MTMR3: variants seen among roughly 807,000 people sequenced by gnomAD.
MTMR3 encodes the protein phosphatidylinositol-3,5-bisphosphate 3-phosphatase MTMR3.
Under a neutral mutation model 132.4 loss-of-function variants are expected in MTMR3, and 32 were observed. The observed-to-expected ratio is 0.24, with a 90% CI of 0.18 to 0.32. MTMR3 has a LOEUF of 0.32. MTMR3 is among the 10% of genes least tolerant of loss of function. MTMR3 has a pLI of 1.00. For missense variants in MTMR3, 1,216 were observed against 1,489.6 expected, an observed-to-expected ratio of 0.82 and a Z score of 3.02; for synonymous variants, 556 against 550.3, an observed-to-expected ratio of 1.01 and a Z score of -0.14.
chr22:29,924,639 T>C (rs2065480902), intron 1 of MTMR3, among the ~76,000 whole-genome samples: 2 of 152,244 alleles, frequency 1.3e-5, no homozygotes, highest in South Asian at 4.1e-4. Flanking sequence ...AATCTGTAGA[T>C]CACTTTGGGT....
chr22:29,998,749 T>G lies in MTMR3; in HGVS notation c.461-12T>G, dbSNP rs2067111966. On this transcript the variant is annotated splice_polypyrimidine_tract_variant and intron_variant, in intron 7 of 19. Coordinates refer to ENST00000401950, the MANE Select transcript of MTMR3 (RefSeq NM_021090.4). ...CATTTCTTCCTTTCTGCTGTTTATC[T>G]TTGGCCTCTAGGGGAGCATGTAACT... 5 of 1,604,476 alleles carry G rather than the reference T, an allele frequency of 3.1e-6. No homozygotes were observed. In the East Asian group the frequency reaches 1.1e-4, roughly 36 times the overall value.
chr22:29,892,342 A>G (rs1345789159), intron 1 of MTMR3, among the ~76,000 whole-genome samples: 1 of 152,156 alleles, frequency 6.6e-6, no homozygotes, highest in African/African-American at 2.4e-5. Flanking sequence ...TTTGTAGAAC[A>G]TATTTTAAAA....
At chr22:29,909,754 A>C (rs1012712961) in intron 1 of MTMR3, among the ~76,000 whole-genome samples, 8 of 152,228 alleles carry the variant, frequency 5.3e-5, no homozygotes, top group Admixed American at 5.2e-4. Flanking sequence ...AGGAATAATA[A>C]ATATCACCAT....
chr22:29,963,389 T>G (rs1364592574), intron 2 of MTMR3, among the ~76,000 whole-genome samples: 1 of 149,612 alleles, frequency 6.7e-6, no homozygotes, highest in Non-Finnish European at 1.5e-5. Flanking sequence ...GGCCACTTAA[T>G]TCCTTTTTTT....
chr22:29,912,666 C>T (rs2065236553), intron 1 of MTMR3, among the ~76,000 whole-genome samples: 1 of 152,112 alleles, frequency 6.6e-6, no homozygotes, highest in South Asian at 2.1e-4. Context: ...GGAGGTAATG[C>T]ATTAGGTGAG....
intron 15 of MTMR3, chr22:30,017,262 CTA>C (rs1205700797): frequency 6.5e-6 from 1 of 154,164 alleles, no homozygotes; most frequent in East Asian, 1.9e-4. Flanking sequence ...GCACATAGAC[CTA>C]TGTGTCAGTT....
At chr22:29,982,441 T>A (rs936014328) in intron 5 of MTMR3, 2 of 152,034 alleles carry the variant, frequency 1.3e-5, no homozygotes, top group African/African-American at 4.8e-5. Flanking sequence ...AATAAGTATT[T>A]CAATAAAATA....
intron 2 of MTMR3, among the ~76,000 whole-genome samples, chr22:29,964,274 G>A (rs2066371817): frequency 6.6e-6 from 1 of 152,190 alleles, no homozygotes; most frequent in African/African-American, 2.4e-5. Flanking sequence ...GTCAGGTGCT[G>A]TAATGAACCC....
chr22:29,941,124 T>C, intron 1 of MTMR3, among the ~76,000 whole-genome samples: 1 of 141,116 alleles, frequency 7.1e-6, no homozygotes, highest in South Asian at 2.1e-4. Flanking sequence ...CACTAAAAAT[T>C]AGTTTCGTCC....
At position 29,931,013 on chromosome 22, in the gene MTMR3, G is replaced by GAAA. The variant is rs963131752; in HGVS notation, c.-137-26006_-137-26004dup. Among the ~76,000 whole-genome samples, 301 of 71,728 alleles carry GAAA rather than the reference G, an allele frequency of 4.2e-3. 5 individuals carry two copies. The East Asian group carries it at 0.088, about 21-fold the overall frequency. The allele number at this position is 71,728 out of a possible 152,430, so 47.1% of individuals were successfully genotyped here. A position where few individuals can be genotyped will look rare whatever the true frequency, so the allele number is the denominator to read the frequency against. On this transcript the variant is annotated intron_variant, in intron 1 of 19. Coordinates refer to ENST00000401950, the MANE Select transcript of MTMR3 (RefSeq NM_021090.4). Reference sequence around the variant, plus strand: ...CAGAGTGTGAGACGCTGTCTCAAAAGAAAAAAAAAAAAAAAAAAACTTAAA... The same window carrying GAAA: ...CAGAGTGTGAGACGCTGTCTCAAAAGAAAAAAAAAAAAAAAAAAAAAACTTAAA...
At chr22:29,908,173 C>A (rs1367568365) in intron 1 of MTMR3, among the ~76,000 whole-genome samples, 2 of 152,096 alleles carry the variant, frequency 1.3e-5, no homozygotes, top group Non-Finnish European at 2.9e-5. Context: ...ATGGGAGTAA[C>A]CGTGGTGGAA....
At chr22:29,974,554 T>G (rs1463064416) in intron 3 of MTMR3, among the ~76,000 whole-genome samples, 1 of 152,256 alleles carries the variant, frequency 6.6e-6, no homozygotes, top group East Asian at 1.9e-4. Flanking sequence ...TGTTTTATGT[T>G]GAAAATCATG....
chr22:29,985,988 CCCCAGCAGCTGCTAAGAGCA>C, intron 5 of MTMR3: 1 of 151,990 alleles, frequency 6.6e-6, no homozygotes, highest in East Asian at 1.9e-4. Context: ...AATCCATTTC[CCCCAGCAGCTGCTAAGAGCA>C]TTAGCTGGTT....
intron 1 of MTMR3, among the ~76,000 whole-genome samples, chr22:29,885,348 G>A (rs2064652166): frequency 6.6e-6 from 1 of 152,152 alleles, no homozygotes; most frequent in African/African-American, 2.4e-5. Context: ...AATTTAAGAG[G>A]TGGAGAAGGG....
chr22:30,013,291 G>A (rs1415250616), intron 13 of MTMR3, 65 bp from the exon 14 acceptor site: 18 of 1,550,264 alleles, frequency 1.2e-5, no homozygotes, highest in Non-Finnish European at 1.6e-5. Context: ...TGTGACACCA[G>A]GCTTAGGACT....
chr22:29,897,337 A>G (rs955335064), intron 1 of MTMR3, among the ~76,000 whole-genome samples: 38 of 152,190 alleles, frequency 2.5e-4, no homozygotes, highest in African/African-American at 8.7e-4. Flanking sequence ...GGCCTCCCAA[A>G]GTGCTGGGAT....
intron 1 of MTMR3, among the ~76,000 whole-genome samples, chr22:29,896,867 T>TCACACACACACACACA (rs1491465662): frequency 3.2e-3 from 116 of 36,718 alleles, no homozygotes; most frequent in African/African-American, 6.6e-3. Flanking sequence ...AACAGGCTTG[T>TCACACACACACACACA]CTCACACACA....
intron 1 of MTMR3, among the ~76,000 whole-genome samples, chr22:29,888,762 T>C (rs1014922008): frequency 7.1e-6 from 1 of 141,410 alleles, no homozygotes; most frequent in Non-Finnish European, 1.5e-5. Context: ...TCTTTATTAG[T>C]TAATACTTTT....
chr22:29,989,394 A>T (rs993655958), intron 6 of MTMR3: 1 of 152,068 alleles, frequency 6.6e-6, no homozygotes, highest in African/African-American at 2.4e-5. Context: ...ACACCCGGCT[A>T]ATTTTTTGTA....
Sources: allele counts gnomAD v4.1 joint callset (sites outside exome capture counted in the v4.1 genomes callset), GRCh38; gene constraint gnomAD v4.1.1; transcripts MANE v1.5; gene names NCBI Gene and HGNC (gene_info 2026-07-23, HGNC 2026-07-21).